The following ADAMTSL1 variants were observed in gnomAD, a reference collection of about 807,000 sequenced individuals.
The protein encoded by ADAMTSL1 is ADAMTS like 1, also known as ADAMTS-like protein 1.
In ADAMTSL1, 126 loss-of-function variants were observed where a neutral mutation model predicts 201.8. That is an observed-to-expected ratio of 0.62 (90% CI 0.54 to 0.72). ADAMTSL1 has a LOEUF of 0.72. ADAMTSL1 is among the 30% of genes least tolerant of loss of function. ADAMTSL1 has a pLI of 0.00. For missense variants in ADAMTSL1, 2,679 were observed against 2,277.8 expected (o/e 1.18, Z -3.59); for synonymous variants, 1,121 against 903.4 (o/e 1.24, Z -4.32).
chr9:18,104,228 G>A (rs937467072), intron 1 of ADAMTSL1, among the ~76,000 whole-genome samples: 1 of 152,108 alleles, frequency 6.6e-6, no homozygotes. Flanking sequence ...CCTCTTCTCT[G>A]CTGAATGATC....
intron 14 of ADAMTSL1, among the ~76,000 whole-genome samples, chr9:18,708,012 G>A (rs576878393): frequency 7.7e-4 from 118 of 152,332 alleles, no homozygotes; most frequent in Admixed American, 9.8e-4. Context: ...ATGAGGGAGC[G>A]CCAGCTGATT....
chr9:18,509,434 G>T (rs888646477), intron 2 of ADAMTSL1, among the ~76,000 whole-genome samples: 1 of 152,112 alleles, frequency 6.6e-6, no homozygotes, highest in Non-Finnish European at 1.5e-5. Flanking sequence ...CAGTAATGCT[G>T]CATAAAAACC....
intron 1 of ADAMTSL1, among the ~76,000 whole-genome samples, chr9:18,156,110 C>T (rs915756884): frequency 8.6e-5 from 13 of 151,960 alleles, no homozygotes; most frequent in African/African-American, 2.9e-4. Context: ...AGAGCTCTGC[C>T]TTTCTCAAGA....
chr9:18,623,845 T>C (rs562261108), intron 5 of ADAMTSL1, among the ~76,000 whole-genome samples: 43 of 152,334 alleles, frequency 2.8e-4, no homozygotes, highest in African/African-American at 9.9e-4. Flanking sequence ...GTCTCTCTGG[T>C]TTGGGAAATG....
intron 2 of ADAMTSL1, among the ~76,000 whole-genome samples, chr9:18,342,473 A>C (rs939263299): frequency 1.9e-4 from 29 of 152,292 alleles, no homozygotes; most frequent in African/African-American, 7.0e-4. Context: ...CGTTTAGGAA[A>C]GTTGTCTCAT....
chr9:18,491,066 G>A (rs1057507937), intron 1 of ADAMTSL1, among the ~76,000 whole-genome samples: 5 of 152,152 alleles, frequency 3.3e-5, no homozygotes, highest in East Asian at 1.9e-4. Context: ...AAGTGCTTTC[G>A]TCTTAATAGC....
intron 7 of ADAMTSL1, among the ~76,000 whole-genome samples, chr9:18,654,251 A>G (rs1828483025): frequency 6.6e-6 from 1 of 152,214 alleles, no homozygotes; most frequent in African/African-American, 2.4e-5. Context: ...TCTTGGATAA[A>G]CATTGTTTTG....
chr9:18,270,813 G>C (rs565126632), intron 2 of ADAMTSL1, among the ~76,000 whole-genome samples: 1 of 152,278 alleles, frequency 6.6e-6, no homozygotes, highest in East Asian at 1.9e-4. Flanking sequence ...CCATTAGCTG[G>C]TTCTACCCAA....
At chr9:18,647,941 T>C (rs1356490695) in intron 7 of ADAMTSL1, among the ~76,000 whole-genome samples, 4 of 150,016 alleles carry the variant, frequency 2.7e-5, no homozygotes, top group Non-Finnish European at 6.0e-5. Context: ...CTGGGTATCC[T>C]TTTTGACTTT....
chr9:18,034,217 C>T (rs1043201765), intron 1 of ADAMTSL1, among the ~76,000 whole-genome samples: 5 of 152,174 alleles, frequency 3.3e-5, no homozygotes, highest in African/African-American at 1.2e-4. Context: ...TAACAACCTT[C>T]TATAGAAGCT....
chr9:18,627,836 A>G (rs1283195982), intron 5 of ADAMTSL1, among the ~76,000 whole-genome samples: 43 of 152,178 alleles, frequency 2.8e-4, no homozygotes, highest in Admixed American at 2.7e-3. Flanking sequence ...ATTTAAGGAC[A>G]TATTTGGCAG....
chr9:18,066,039 T>G (rs981127993), intron 1 of ADAMTSL1, among the ~76,000 whole-genome samples: 1 of 149,518 alleles, frequency 6.7e-6, no homozygotes, highest in Non-Finnish European at 1.5e-5. Flanking sequence ...CAATGACCAG[T>G]TCTCCCTTAT....
intron 1 of ADAMTSL1, among the ~76,000 whole-genome samples, chr9:17,950,603 C>G (rs980855808): frequency 2.0e-5 from 3 of 151,808 alleles, no homozygotes; most frequent in Non-Finnish European, 4.4e-5. Context: ...CTTTTATGAT[C>G]TCTCATACTG....
chr9:18,868,281 T>C (rs1382433516), intron 23 of ADAMTSL1, among the ~76,000 whole-genome samples: 1 of 152,260 alleles, frequency 6.6e-6, no homozygotes, highest in African/African-American at 2.4e-5. Context: ...TCCATCATCC[T>C]TGTCGTTTCT....
intron 23 of ADAMTSL1, among the ~76,000 whole-genome samples, chr9:18,850,397 G>GC (rs1826416082): frequency 6.6e-6 from 1 of 152,302 alleles, no homozygotes; most frequent in South Asian, 2.1e-4. Flanking sequence ...CTTGCTCTGT[G>GC]CCCCCTTGTG....
intron 23 of ADAMTSL1, among the ~76,000 whole-genome samples, chr9:18,886,179 T>C (rs1329695266): frequency 2.6e-5 from 3 of 113,360 alleles, no homozygotes; most frequent in East Asian, 2.6e-4. Context: ...TATATATATA[T>C]ATATATATAT....
At chr9:18,106,081 G>A (rs1329742849) in intron 1 of ADAMTSL1, among the ~76,000 whole-genome samples, 3 of 152,132 alleles carry the variant, frequency 2.0e-5, no homozygotes, top group Non-Finnish European at 4.4e-5. Flanking sequence ...TTCTTGCTCT[G>A]CTTGTTCAAA....
intron 2 of ADAMTSL1, among the ~76,000 whole-genome samples, chr9:18,195,504 G>T (rs538928923): frequency 6.6e-6 from 1 of 152,112 alleles, no homozygotes; most frequent in African/African-American, 2.4e-5. Context: ...ACAAACACAA[G>T]TTGTCTGACT....
At chr9:17,967,426 T>C (rs1156607817) in intron 1 of ADAMTSL1, among the ~76,000 whole-genome samples, 1 of 152,174 alleles carries the variant, frequency 6.6e-6, no homozygotes, top group Non-Finnish European at 1.5e-5. Context: ...TATCTGTGAT[T>C]CTGTAAAGAT....
Sources: gnomAD v4.1 joint callset for allele counts (sites outside exome capture counted in the v4.1 genomes callset) on GRCh38, gnomAD v4.1.1 for gene constraint, MANE v1.5 for transcripts, NCBI Gene and HGNC (gene_info 2026-07-23, HGNC 2026-07-21) for gene names.